CAMTA1: variants seen among roughly 807,000 people sequenced by gnomAD.
The protein encoded by CAMTA1 is calmodulin-binding transcription activator 1.
In CAMTA1, 27 loss-of-function variants were observed where a neutral mutation model predicts 170.9. That is an observed-to-expected ratio of 0.16 (90% CI 0.12 to 0.22). The LOEUF (loss-of-function observed/expected upper bound fraction) is 0.22. Among genes scored for constraint, CAMTA1 ranks in the 10% least tolerant of loss-of-function variants. The pLI is 1.00. For synonymous variants in CAMTA1, 833 were observed against 891.5 expected (o/e 0.93, Z 1.17); for missense variants, 1,619 against 2,217.2 (o/e 0.73, Z 5.42).
In CAMTA1 at chr1:7,767,866, T is replaced by G. The variant is rs2097032550; in HGVS notation, c.*1375T>G. The G allele has an allele frequency of 6.6e-6, 1 of 150,728 alleles. No individual in the cohort carries two copies. Among genetic ancestry groups the G allele is most frequent in the African/African-American group, 2.5e-5 (1 of 40,798 alleles). The allele number at this position is 150,728 out of a possible 1,614,324, so 9.3% of individuals were successfully genotyped here. A position where few individuals can be genotyped will look rare whatever the true frequency, so the allele number is the denominator to read the frequency against. On this transcript the variant is annotated 3_prime_UTR_variant, in exon 23 of 23. Coordinates refer to ENST00000303635, the MANE Select transcript of CAMTA1 (RefSeq NM_015215.4). ...TGCAAAAAAAAAAAAAGAGCTACTG[T>G]ATTTAGACTTAGGAAAAAAGGCAGA... is the stretch of plus-strand genomic sequence containing the variant.
At chr1:7,507,415 G>A (rs1345161347) in intron 6 of CAMTA1, among the ~76,000 whole-genome samples, 2 of 152,074 alleles carry the variant, frequency 1.3e-5, no homozygotes, top group African/African-American at 2.4e-5. Context: ...CGCCTGGCAC[G>A]GGGGTCTATC....
rs934412102 is a variant in CAMTA1, at chr1:7,402,201, G to A, written c.439-65629G>A. 3.3e-5 allele frequency among the ~76,000 whole-genome samples: 5 copies of A among 152,134 alleles called. No homozygotes were observed. The East Asian group carries it at 9.6e-4, about 29-fold the overall frequency. Reference sequence around the variant, plus strand: ...CATGTTGGGAAAAAGAGATAAAGGTGGGATGAGTCAGGAGACAGCTGCTCA... The same window carrying A: ...CATGTTGGGAAAAAGAGATAAAGGTAGGATGAGTCAGGAGACAGCTGCTCA... On this transcript the variant is annotated intron_variant, in intron 5 of 22. Transcript: ENST00000303635.
chr1:6,916,499 A>G (rs1680834593), intron 3 of CAMTA1, among the ~76,000 whole-genome samples: 2 of 151,988 alleles, frequency 1.3e-5, no homozygotes, highest in South Asian at 2.1e-4. Flanking sequence ...TTTGCTGCAC[A>G]CTCCAAATCA....
At chr1:6,854,733 A>G (rs180697378) in intron 3 of CAMTA1, among the ~76,000 whole-genome samples, 4 of 152,346 alleles carry the variant, frequency 2.6e-5, no homozygotes, top group Admixed American at 2.6e-4. Context: ...AGTATAAATC[A>G]CTAAATTAAT....
rs904028341 is a variant in CAMTA1 at position 6,876,716 on chromosome 1, T to G, written c.234+51506T>G. On this transcript the variant is annotated intron_variant, in intron 3 of 22. Transcript: ENST00000303635. ...ATCTGTCTTTCAAAGAAGTAGGTAC[T>G]GCCCGTCATTAGCTTGAAAATTGTC... Among the ~76,000 whole-genome samples the G allele has an allele frequency of 2.0e-5, 3 of 152,352 alleles. No individual in the cohort carries two copies. In the East Asian group the frequency reaches 5.8e-4, roughly 29 times the overall value.
chr1:7,529,787 T>C (rs1011631833), intron 6 of CAMTA1, among the ~76,000 whole-genome samples: 1 of 152,214 alleles, frequency 6.6e-6, no homozygotes, highest in African/African-American at 2.4e-5. Context: ...GTTGGGTTTT[T>C]AATGGAAATG....
rs2095302884 is a variant in CAMTA1 at position 7,585,659 on chromosome 1, T to C, written c.511-54741T>C. 6.6e-6 allele frequency among the ~76,000 whole-genome samples: 1 copy of C among 151,930 alleles called. No individual in the cohort carries two copies. Among genetic ancestry groups the C allele is most frequent in the Non-Finnish European group, 1.5e-5 (1 of 67,988 alleles). ...AGGGCAGGAGGCTGCAGGAGGACAA[T>C]GGGCCATGGGAGGACAAGAATAGGT... is the stretch of plus-strand genomic sequence containing the variant. On this transcript the variant is annotated intron_variant, in intron 6 of 22. Transcript: ENST00000303635. This position sits in a 1 kb window ranked among gnomAD's most constrained non-coding sequence, Gnocchi z 4.8.
chr1:6,904,580 A>T (rs1431031239), intron 3 of CAMTA1, among the ~76,000 whole-genome samples: 1 of 144,332 alleles, frequency 6.9e-6, no homozygotes, highest in Non-Finnish European at 1.5e-5. Context: ...TTTGAGACAG[A>T]GTCTTCCTCT....
At chr1:7,272,411 A>G (rs966088414) in intron 5 of CAMTA1, among the ~76,000 whole-genome samples, 1 of 152,114 alleles carries the variant, frequency 6.6e-6, no homozygotes, top group African/African-American at 2.4e-5. Flanking sequence ...TAAAATTTAT[A>G]TGGAAATACA....
chr1:7,103,219 A>T (rs1642949272), intron 4 of CAMTA1, among the ~76,000 whole-genome samples: 1 of 152,016 alleles, frequency 6.6e-6, no homozygotes, highest in Non-Finnish European at 1.5e-5. Context: ...ATGGACAATG[A>T]ACTGGAAGTC....
At chr1:7,568,270 C>CCATCAT (rs1223091855) in intron 6 of CAMTA1, among the ~76,000 whole-genome samples, 1 of 132,878 alleles carries the variant, frequency 7.5e-6, no homozygotes, top group Non-Finnish European at 1.5e-5. Flanking sequence ...CACCAAATCA[C>CCATCAT]CATCATCATC....
chr1:7,752,166 A>C (rs1245747636), intron 20 of CAMTA1, among the ~76,000 whole-genome samples: 1 of 152,226 alleles, frequency 6.6e-6, no homozygotes, highest in Non-Finnish European at 1.5e-5. Context: ...TGAGCTTATA[A>C]TGAATTGTGG....
chr1:7,354,437 C>T (rs2084942582), intron 5 of CAMTA1, among the ~76,000 whole-genome samples: 2 of 152,240 alleles, frequency 1.3e-5, no homozygotes, highest in Admixed American at 1.3e-4. Context: ...GCTTGAGCCA[C>T]CGCGCCCGAC....
rs199532410 is a variant in CAMTA1 at position 7,501,701 on chromosome 1, TGA to T, written c.510+33801_510+33802del. On this transcript the variant is annotated intron_variant, in intron 6 of 22. Coordinates refer to ENST00000303635, the MANE Select transcript of CAMTA1 (RefSeq NM_015215.4). ...AATTGATTTATTGTTTATCTGAAAT[TGA>T]CATGTCATCGGCACCCTCCACTGTG... 1.8e-3 allele frequency among the ~76,000 whole-genome samples: 267 copies of T among 152,230 alleles called. 1 individual carries two copies. The East Asian group carries it at 0.031, about 18-fold the overall frequency.
intron 11 of CAMTA1, among the ~76,000 whole-genome samples, chr1:7,709,077 G>T (rs549284546): frequency 1.1e-4 from 16 of 152,256 alleles, no homozygotes; most frequent in Non-Finnish European, 1.3e-4. Context: ...TGGTGTGCTG[G>T]TGTGCTGGTG....
intron 3 of CAMTA1, among the ~76,000 whole-genome samples, chr1:7,019,058 A>C (rs1700988530): frequency 6.6e-6 from 1 of 152,176 alleles, no homozygotes; most frequent in African/African-American, 2.4e-5. Context: ...GGATGCCCGC[A>C]TGCCTTTGGT....
Position 6,971,728 on chromosome 1 carries a change from G to C in CAMTA1, c.235-119576G>C, listed in dbSNP as rs950077242. ...TCCATGCTTATTAGGTAAGTGATTG[G>C]TGTGGATTCCTGCTCTCCGAAGGAA... On this transcript the variant is annotated intron_variant, in intron 3 of 22. Transcript: ENST00000303635. The surrounding 1 kb of genome is among the most constrained non-coding windows in gnomAD (Gnocchi z 4.6). Among the ~76,000 whole-genome samples the C allele has an allele frequency of 3.3e-5, 5 of 152,202 alleles. No homozygotes were observed. Among genetic ancestry groups the C allele is most frequent in the African/African-American group, 1.2e-4 (5 of 41,430 alleles).
Position 7,149,101 on chromosome 1 carries a change from C to T in CAMTA1, c.302+57730C>T, listed in dbSNP as rs190978895. ...CTGCCCAGGGATTGGGGTGTCGGGG[C>T]GTAGGGGCTTCTCTGGGGGTGGGTA... On this transcript the variant is annotated intron_variant, in intron 4 of 22. Coordinates refer to ENST00000303635, the MANE Select transcript of CAMTA1 (RefSeq NM_015215.4). Among the ~76,000 whole-genome samples the T allele has an allele frequency of 6.6e-5, 10 of 152,266 alleles. No homozygotes were observed. The East Asian group carries it at 1.4e-3, about 21-fold the overall frequency.
chr1:7,474,278 A>T (rs1163849680), intron 6 of CAMTA1, among the ~76,000 whole-genome samples: 4 of 136,352 alleles, frequency 2.9e-5, no homozygotes, highest in Admixed American at 7.1e-5. Flanking sequence ...AGTCTCAGTT[A>T]GCTCATCCAT....
Sources: allele counts gnomAD v4.1 joint callset (sites outside exome capture counted in the v4.1 genomes callset), GRCh38; gene constraint gnomAD v4.1.1; non-coding constraint Gnocchi (gnomAD v3.1); transcripts MANE v1.5; gene names NCBI Gene and HGNC (gene_info 2026-07-23, HGNC 2026-07-21).